DAPK2: variants seen among roughly 807,000 people sequenced by gnomAD.
The protein encoded by DAPK2 is death-associated protein kinase 2.
DAPK2 carries 35 observed loss-of-function variants against 44.1 expected under a neutral mutation model. The observed-to-expected ratio is 0.79, with a 90% CI of 0.61 to 1.05. DAPK2 has a LOEUF of 1.05. DAPK2 is among the 50% of genes least tolerant of loss of function. The pLI is 0.00. For synonymous variants in DAPK2, 174 were observed against 182.6 expected, an observed-to-expected ratio of 0.95 and a Z score of 0.38; for missense variants, 453 against 483.2, an observed-to-expected ratio of 0.94 and a Z score of 0.59.
At chr15:64,025,978 C>A (rs1489065696) in intron 1 of DAPK2, among the ~76,000 whole-genome samples, 2 of 152,172 alleles carry the variant, frequency 1.3e-5, no homozygotes, top group African/African-American at 4.8e-5. Context: ...AGGGCGCAGG[C>A]CAGATTTTGG....
chr15:64,037,096 G>A (rs929341027), intron 1 of DAPK2, among the ~76,000 whole-genome samples: 3 of 152,154 alleles, frequency 2.0e-5, no homozygotes, highest in African/African-American at 4.8e-5. Context: ...ATGTTGCACA[G>A]CTAGGACAGG....
intron 1 of DAPK2, among the ~76,000 whole-genome samples, chr15:63,998,230 C>G (rs2078998959): frequency 6.6e-6 from 1 of 152,312 alleles, no homozygotes; most frequent in East Asian, 1.9e-4. Flanking sequence ...CTGCCCTTCC[C>G]TGCCCCTCAG....
intron 6 of DAPK2, among the ~76,000 whole-genome samples, chr15:63,927,205 T>C (rs757668804): frequency 1.4e-4 from 21 of 152,228 alleles, no homozygotes; most frequent in African/African-American, 2.2e-4. Context: ...GCCATTATTA[T>C]TGTCATTGTG....
At chr15:63,920,162 G>C (rs373444821) in intron 8 of DAPK2, 1 of 152,234 alleles carries the variant, frequency 6.6e-6, no homozygotes, top group Admixed American at 6.5e-5. Flanking sequence ...GGAGAGGATA[G>C]TACTGTTTTT....
At chr15:63,924,287 G>C (rs946282928) in intron 8 of DAPK2, among the ~76,000 whole-genome samples, 1 of 152,190 alleles carries the variant, frequency 6.6e-6, no homozygotes, top group Non-Finnish European at 1.5e-5. Flanking sequence ...AGAGGGAACA[G>C]AATTGCCCTA....
chr15:63,983,387 G>C, intron 2 of DAPK2, 146 bp downstream of exon 3: 1 of 681,424 alleles, frequency 1.5e-6, no homozygotes, highest in Non-Finnish European at 2.5e-6. Context: ...TGAGACAGAG[G>C]GGATCTGCCC....
intron 2 of DAPK2, among the ~76,000 whole-genome samples, chr15:63,979,131 T>C (rs543845671): frequency 1.3e-5 from 2 of 152,336 alleles, no homozygotes; most frequent in Non-Finnish European, 2.9e-5. Flanking sequence ...CAGGGGCCTG[T>C]GATGGGAGGC....
chr15:63,929,640 ACCC>A, intron 5 of DAPK2, 63 bp from the exon 7 acceptor site: 1 of 1,602,562 alleles, frequency 6.2e-7, no homozygotes, highest in Non-Finnish European at 8.5e-7. Flanking sequence ...AGCAAGGGAC[ACCC>A]TCATGGATCT....
chr15:64,045,236 C>G (rs918976060), upstream of DAPK2, among the ~76,000 whole-genome samples: 1 of 152,184 alleles, frequency 6.6e-6, no homozygotes, highest in Non-Finnish European at 1.5e-5. Flanking sequence ...ACCCCTCTGC[C>G]CAAGTCTCCT....
chr15:63,978,900 G>A (rs755943200), intron 2 of DAPK2, among the ~76,000 whole-genome samples: 17 of 152,308 alleles, frequency 1.1e-4, no homozygotes, highest in Non-Finnish European at 2.1e-4. Context: ...TGCTGGAAAT[G>A]CTTTTCAGAC....
intron 2 of DAPK2, among the ~76,000 whole-genome samples, chr15:63,982,619 C>T (rs1227828161): frequency 6.6e-6 from 1 of 152,142 alleles, no homozygotes; most frequent in Non-Finnish European, 1.5e-5. Context: ...CTAGCCAAAC[C>T]CTAGAGTATT....
chr15:63,957,045 T>C (rs770240695), intron 3 of DAPK2, among the ~76,000 whole-genome samples: 130 of 152,336 alleles, frequency 8.5e-4, no homozygotes, highest in Middle Eastern at 3.4e-3. Context: ...AAGTCCTATG[T>C]TTCTTTGTTG....
chr15:64,002,831 G>A (rs902393373), intron 1 of DAPK2, among the ~76,000 whole-genome samples: 2 of 151,960 alleles, frequency 1.3e-5, no homozygotes, highest in Non-Finnish European at 2.9e-5. Flanking sequence ...TTAGAGTCTT[G>A]GGTCTTTTAA....
At chr15:63,945,220 C>T (rs965970166) in intron 3 of DAPK2, among the ~76,000 whole-genome samples, 12 of 152,264 alleles carry the variant, frequency 7.9e-5, no homozygotes, top group Middle Eastern at 3.4e-3. Flanking sequence ...CTAACCCCTC[C>T]GTGTTGATGA....
chr15:63,991,159 C>T, intron 1 of DAPK2: 1 of 445,768 alleles, frequency 2.2e-6, no homozygotes. Flanking sequence ...ATAACGTTAT[C>T]TGAGGTCAGA....
At chr15:63,984,467 C>T (rs1280889897) in intron 1 of DAPK2, among the ~76,000 whole-genome samples, 1 of 152,158 alleles carries the variant, frequency 6.6e-6, no homozygotes, top group African/African-American at 2.4e-5. Flanking sequence ...AAATGGAGTC[C>T]ATGGCAGAGT....
rs117564318 is a variant in DAPK2 at position 63,983,644 on chromosome 15, C to T, written c.203G>A (p.Arg68Gln). The T allele has an allele frequency of 4.5e-3, 7,244 of 1,614,194 alleles. 26 individuals carry two copies. The highest frequency in any genetic ancestry group is 4.9e-3 in the Non-Finnish European group (5,828 of 1,180,036). Residue 68 changes from arginine to glutamine, a missense_variant, in exon 2 of 11, where the codon CGG becomes CAG. Physicochemically the swap from Arg to Gln is conservative, Grantham distance 43. Transcript: ENST00000261891. Reference sequence around the variant, plus strand: ...GCTCACCTCCCGCTCGATCTCCTCCCGGCTCACACCGCGCCGGCTCGCCCG... The same window carrying T: ...GCTCACCTCCCGCTCGATCTCCTCCTGGCTCACACCGCGCCGGCTCGCCCG...
At chr15:64,037,315 G>A (rs2049630457) in intron 1 of DAPK2, among the ~76,000 whole-genome samples, 1 of 152,180 alleles carries the variant, frequency 6.6e-6, no homozygotes, top group Non-Finnish European at 1.5e-5. Context: ...CATCCATGCT[G>A]CTGACTTTGC....
chr15:63,994,627 T>C (rs1178432979), intron 1 of DAPK2, among the ~76,000 whole-genome samples: 1 of 144,662 alleles, frequency 6.9e-6, no homozygotes, highest in Non-Finnish European at 1.5e-5. Flanking sequence ...TCTCCCTCTG[T>C]CGCCCAGGCT....
Sources: gnomAD v4.1 joint callset for allele counts (sites outside exome capture counted in the v4.1 genomes callset) on GRCh38, gnomAD v4.1.1 for gene constraint, MANE v1.5 for transcripts, NCBI Gene and HGNC (gene_info 2026-07-23, HGNC 2026-07-21) for gene names.